The following RSF1 variants were observed in gnomAD, a reference collection of about 807,000 sequenced individuals.
RSF1 encodes the protein HBV pX-associated protein 8.
A neutral mutation model predicts 145.2 loss-of-function variants in RSF1; 13 were observed. The observed-to-expected ratio is 0.09, with a 90% CI of 0.06 to 0.14. RSF1 has a LOEUF of 0.14. Among genes scored for constraint, RSF1 ranks in the 10% least tolerant of loss-of-function variants. The pLI, the probability that RSF1 is intolerant of heterozygous loss-of-function variation, is 1.00. For synonymous variants in RSF1, 577 were observed against 592.6 expected (o/e 0.97, Z 0.38); for missense variants, 1,517 against 1,718.2 (o/e 0.88, Z 2.07).
chr11:77,734,696 C>A, intron 4 of RSF1: 11 of 1,422,108 alleles, frequency 7.7e-6, no homozygotes, highest in Non-Finnish European at 1.1e-5. Context: ...GACTGATTCA[C>A]ATTTTTTTCC....
At chr11:77,694,507 C>T (rs1406275608) in intron 7 of RSF1, among the ~76,000 whole-genome samples, 1 of 152,148 alleles carries the variant, frequency 6.6e-6, no homozygotes, top group Non-Finnish European at 1.5e-5. Context: ...AAACTAAACA[C>T]AGTATACTCA....
intron 1 of RSF1, among the ~76,000 whole-genome samples, chr11:77,774,562 C>G (rs1032688247): frequency 6.8e-6 from 1 of 147,188 alleles, no homozygotes; most frequent in African/African-American, 2.5e-5. Flanking sequence ...CAGAGCGAGA[C>G]TCTGTCTCAA....
intron 15 of RSF1, among the ~76,000 whole-genome samples, chr11:77,669,638 G>A (rs1959467012): frequency 6.6e-6 from 1 of 152,210 alleles, no homozygotes; most frequent in South Asian, 2.1e-4. Context: ...TATGAGGTTA[G>A]TGGCTATTGT....
chr11:77,661,554 T>A lies in RSF1; in HGVS notation c.*5363A>T, dbSNP rs140822016. Reference sequence around the variant, plus strand: ...CCACATAGCAGTTGACATGCACCAATTCTGCTAAAGGGCAGGAGAATGAAA... The same window carrying A: ...CCACATAGCAGTTGACATGCACCAAATCTGCTAAAGGGCAGGAGAATGAAA... On this transcript the variant is annotated 3_prime_UTR_variant, in exon 16 of 16. Coordinates refer to ENST00000308488, the MANE Select transcript of RSF1 (RefSeq NM_016578.4). 117 of 152,138 alleles carry A rather than the reference T, an allele frequency of 7.7e-4. No individual in the cohort carries two copies. The highest frequency in any genetic ancestry group is 2.6e-3 in the African/African-American group (110 of 41,526). The allele number at this position is 152,138 out of a possible 1,614,324, so 9.4% of individuals were successfully genotyped here.
chr11:77,860,156 C>T, the RSF1 span, among the ~76,000 whole-genome samples: 13 of 152,296 alleles, frequency 8.5e-5, no homozygotes, highest in Non-Finnish European at 1.6e-4. Context: ...AGTCTTGCCC[C>T]GTTGGCAAGC....
chr11:77,794,539 A>C (rs1358024358), intron 1 of RSF1, among the ~76,000 whole-genome samples: 7 of 152,052 alleles, frequency 4.6e-5, no homozygotes, highest in African/African-American at 7.2e-5. Context: ...AAATAAATAA[A>C]AGATTAAAAA....
intron 4 of RSF1, 72 bp downstream of exon 4, chr11:77,740,659 C>A: frequency 7.1e-7 from 1 of 1,399,138 alleles, no homozygotes; most frequent in Non-Finnish European, 1.0e-6. Flanking sequence ...TGATAGATAA[C>A]ATCCTAGTTT....
the RSF1 span, among the ~76,000 whole-genome samples, chr11:77,830,610 CTT>C: frequency 3.9e-5 from 6 of 151,934 alleles, no homozygotes; most frequent in African/African-American, 1.4e-4. Flanking sequence ...TCTTTTGTCT[CTT>C]GTCTTTTATT....
At chr11:77,755,624 G>C (rs1454356732) in intron 2 of RSF1, among the ~76,000 whole-genome samples, 1 of 151,226 alleles carries the variant, frequency 6.6e-6, no homozygotes, top group Non-Finnish European at 1.5e-5. Context: ...CTGTTGCCCA[G>C]GCTGGAGTGC....
chr11:77,773,840 C>T (rs1948312550), intron 1 of RSF1, among the ~76,000 whole-genome samples: 1 of 152,126 alleles, frequency 6.6e-6, no homozygotes, highest in Non-Finnish European at 1.5e-5. Flanking sequence ...GGCAAGTACA[C>T]TGGCTAAAAA....
the RSF1 span, among the ~76,000 whole-genome samples, chr11:77,837,532 G>T: frequency 6.6e-6 from 1 of 151,938 alleles, no homozygotes; most frequent in Non-Finnish European, 1.5e-5. Flanking sequence ...TTGGCTCATT[G>T]TTACCTCCAC....
intron 1 of RSF1, among the ~76,000 whole-genome samples, chr11:77,773,726 C>G (rs1356007541): frequency 1.3e-5 from 2 of 152,148 alleles, no homozygotes; most frequent in Non-Finnish European, 2.9e-5. Context: ...GAAACCCACA[C>G]AAAGCTGTAA....
At chr11:77,779,445 C>T (rs898624625) in intron 1 of RSF1, among the ~76,000 whole-genome samples, 9 of 151,042 alleles carry the variant, frequency 6.0e-5, no homozygotes, top group African/African-American at 2.2e-4. Context: ...TGCAATGGCG[C>T]GATCTTGGCT....
intron 1 of RSF1, among the ~76,000 whole-genome samples, chr11:77,781,257 C>A (rs1429165185): frequency 6.6e-6 from 1 of 152,116 alleles, no homozygotes; most frequent in Non-Finnish European, 1.5e-5. Flanking sequence ...TGCCACCATG[C>A]CCAGCTAATT....
At chr11:77,834,516 G>A in the RSF1 span, among the ~76,000 whole-genome samples, 1 of 138,046 alleles carries the variant, frequency 7.2e-6, no homozygotes, top group Non-Finnish European at 1.5e-5. Context: ...CCAGGTTCAA[G>A]TGATTCTCCT....
At chr11:77,692,233 ATTTTTT>A (rs71046904) in intron 8 of RSF1, among the ~76,000 whole-genome samples, 18 of 49,474 alleles carry the variant, frequency 3.6e-4, no homozygotes, top group African/African-American at 2.0e-3. Context: ...CTACTTTTAA[ATTTTTT>A]TTTTTTTTTT....
chr11:77,695,885 T>C (rs1960266236), intron 7 of RSF1, among the ~76,000 whole-genome samples: 1 of 152,330 alleles, frequency 6.6e-6, no homozygotes, highest in South Asian at 2.1e-4. Flanking sequence ...CCAGTTCTAA[T>C]CTACCATCAT....
chr11:77,661,565 G>C lies in RSF1; in HGVS notation c.*5352C>G, dbSNP rs1959234088. 1 of 151,756 alleles carries C rather than the reference G, an allele frequency of 6.6e-6. No homozygotes were observed. Among genetic ancestry groups the C allele is most frequent in the South Asian group, 2.1e-4 (1 of 4,812 alleles). The allele number at this position is 151,756 out of a possible 1,614,324, so 9.4% of individuals were successfully genotyped here. On this transcript the variant is annotated 3_prime_UTR_variant, in exon 16 of 16. Coordinates refer to ENST00000308488, the MANE Select transcript of RSF1 (RefSeq NM_016578.4). ...TTGACATGCACCAATTCTGCTAAAG[G>C]GCAGGAGAATGAAAAAGACATGGCA...
At chr11:77,715,298 C>T (rs1960781210) in intron 5 of RSF1, among the ~76,000 whole-genome samples, 1 of 152,028 alleles carries the variant, frequency 6.6e-6, no homozygotes. Context: ...TTAACTCAAA[C>T]ATGATGTAAA....
Sources: allele counts gnomAD v4.1 joint callset (sites outside exome capture counted in the v4.1 genomes callset), GRCh38; gene constraint gnomAD v4.1.1; transcripts MANE v1.5; gene names NCBI Gene and HGNC (gene_info 2026-07-23, HGNC 2026-07-21).